The following TEX261 variants were observed in gnomAD, a reference collection of about 807,000 sequenced individuals.
TEX261 encodes testis expressed 261, also known as protein TEX261.
TEX261 carries 13 observed loss-of-function variants against 25.1 expected under a neutral mutation model. That is an observed-to-expected ratio of 0.52 (90% CI 0.34 to 0.82). The LOEUF is 0.82. Among genes scored for constraint, TEX261 ranks in the 40% least tolerant of loss-of-function variants. The probability of loss-of-function intolerance (pLI) is 0.02; values close to 1 mark genes in which losing one functional copy is unlikely to be tolerated. For missense variants in TEX261, 206 were observed against 243.2 expected (o/e 0.85, Z 1.02); for synonymous variants, 92 against 97.8 (o/e 0.94, Z 0.35).
At chr2:70,993,339 A>G (rs554145021) in intron 2 of TEX261, among the ~76,000 whole-genome samples, 7 of 152,374 alleles carry the variant, frequency 4.6e-5, no homozygotes, top group African/African-American at 1.7e-4. Flanking sequence ...AAACTGTCTT[A>G]TGGCTCCTCT....
intron 2 of TEX261, among the ~76,000 whole-genome samples, chr2:70,992,778 C>T (rs1210614383): frequency 1.3e-5 from 2 of 151,896 alleles, no homozygotes; most frequent in African/African-American, 4.8e-5. Flanking sequence ...GACCCCAACA[C>T]ATATATACAT....
rs540827405 is a variant in TEX261, at chr2:70,987,179, G to A, written c.*1421C>T. The stretch of plus-strand genomic sequence containing the variant: ...ATGATGCAGGCTGCCAGTATCCCCT[G>A]CCTTGTCTATCCTGGTGTGCATAGG... On this transcript the variant is annotated 3_prime_UTR_variant, in exon 6 of 6. Transcript: ENST00000272438. 2.6e-5 allele frequency: 4 copies of A among 152,318 alleles called. No individual in the cohort carries two copies. Among genetic ancestry groups the A allele is most frequent in the Non-Finnish European group, 4.4e-5 (3 of 68,062 alleles). 9.4% of individuals were successfully genotyped at this position (152,318 alleles called of 1,614,324 possible).
Position 70,987,446 on chromosome 2 carries a change from A to C in TEX261, c.*1154T>G, listed in dbSNP as rs1176485832. On this transcript the variant is annotated 3_prime_UTR_variant, in exon 6 of 6. Transcript: ENST00000272438. ...CTCTGTACCTGCCAGCCTCACTTTG[A>C]GGTATAGAACATGGCCAGAAATGGC... 6.6e-6 allele frequency: 1 copy of C among 152,606 alleles called. No individual in the cohort carries two copies. The highest frequency in any genetic ancestry group is 1.5e-5 in the Non-Finnish European group (1 of 68,034). 9.5% of individuals were successfully genotyped at this position (152,606 alleles called of 1,614,324 possible).
chr2:70,994,547 G>A (rs1667795016), intron 1 of TEX261, 141 bp downstream of exon 1: 2 of 1,244,082 alleles, frequency 1.6e-6, no homozygotes, highest in Non-Finnish European at 1.1e-6. Context: ...GCAGGATCAG[G>A]CGGGAAGGGG....
intron 1 of TEX261, 44 bp downstream of exon 1, chr2:70,994,644 T>A (rs1670372717): frequency 6.4e-7 from 1 of 1,564,980 alleles, no homozygotes; most frequent in African/African-American, 1.4e-5. Context: ...CGAGCACCGA[T>A]GCCGGGGCGG....
At chr2:70,989,928 T>G in intron 3 of TEX261, 112 bp from the exon 4 acceptor site, 1 of 764,804 alleles carries the variant, frequency 1.3e-6, no homozygotes. Flanking sequence ...TAGGCCTGAC[T>G]TTACACTCAA....
At chr2:70,989,237 C>A in intron 4 of TEX261, 3 of 590,356 alleles carry the variant, frequency 5.1e-6, no homozygotes, top group Non-Finnish European at 9.1e-6. Flanking sequence ...AACCCCATAT[C>A]TTGGTCGCTA....
At chr2:70,992,071 C>T (rs1670312722) in intron 2 of TEX261, 88 bp from the exon 3 acceptor site, 1 of 1,318,488 alleles carries the variant, frequency 7.6e-7, no homozygotes, top group East Asian at 2.8e-5. Flanking sequence ...CTGGGCAGCA[C>T]TAGGTTCATG....
intron 3 of TEX261, among the ~76,000 whole-genome samples, chr2:70,991,460 G>A (rs565646177): frequency 6.6e-6 from 1 of 152,238 alleles, no homozygotes; most frequent in Non-Finnish European, 1.5e-5. Flanking sequence ...AGGACTGGAC[G>A]GACAGCTGCC....
In TEX261 at chr2:70,991,904, T is replaced by C. The variant is rs1553425671; in HGVS notation, c.230A>G (p.Asn77Ser). The change falls in exon 3 of 6, where the codon AAC (asparagine) becomes AGC (serine). Residue 77 changes from asparagine to serine, a missense_variant. Asn to Ser is a conservative substitution (Grantham distance 46). Transcript: ENST00000272438. Reference sequence around the variant, plus strand: ...CTGGAGGAGGCCAAAGTAGACGAGGTTGGTGAATAGGCCCACTCCAATCAT... The same window carrying C: ...CTGGAGGAGGCCAAAGTAGACGAGGCTGGTGAATAGGCCCACTCCAATCAT... ...TSMIGVGLFT[N>S]LVYFGLLQTF... The C allele has an allele frequency of 6.2e-7, 1 of 1,613,810 alleles. No homozygotes were observed. Among genetic ancestry groups the C allele is most frequent in the Non-Finnish European group, 8.5e-7 (1 of 1,179,940 alleles).
At position 70,988,884 on chromosome 2, in the gene TEX261, C is replaced by G. The variant is rs782148873; in HGVS notation, c.475+31G>C. Reference sequence around the variant, plus strand: ...CAACCCAGGCCTTGCTGGCTTGCCCCCACCTGGGCCCCTTACAAATCCCTT... The same window carrying G: ...CAACCCAGGCCTTGCTGGCTTGCCCGCACCTGGGCCCCTTACAAATCCCTT... On this transcript the variant is annotated intron_variant, in intron 5 of 5. Transcript: ENST00000272438. 1.6e-5 allele frequency: 26 copies of G among 1,608,736 alleles called. No homozygotes were observed. In the African/African-American group the frequency reaches 3.1e-4, roughly 19 times the overall value.
chr2:70,990,034 T>C (rs542937147), intron 3 of TEX261, among the ~76,000 whole-genome samples: 20 of 152,310 alleles, frequency 1.3e-4, no homozygotes, highest in African/African-American at 4.8e-4. Flanking sequence ...TGAGTAAAAT[T>C]AGAAGAAGGC....
At chr2:70,991,272 G>A (rs1431187575) in intron 3 of TEX261, among the ~76,000 whole-genome samples, 1 of 152,212 alleles carries the variant, frequency 6.6e-6, no homozygotes, top group African/African-American at 2.4e-5. Context: ...AGAAAGTGGT[G>A]GCAGGGCAAC....
intron 3 of TEX261, 126 bp downstream of exon 3, chr2:70,991,704 A>T: frequency 8.4e-7 from 1 of 1,192,108 alleles, no homozygotes; most frequent in Non-Finnish European, 1.2e-6. Context: ...GCATCTTCCC[A>T]ACTAGCCTGG....
rs1488825826 is a variant in TEX261 at position 70,986,706 on chromosome 2, C to T, written c.*1894G>A. The T allele has an allele frequency of 6.6e-6, 1 of 152,500 alleles. No individual in the cohort carries two copies. The highest frequency in any genetic ancestry group is 1.5e-5 in the Non-Finnish European group (1 of 68,028). 9.4% of individuals were successfully genotyped at this position (152,500 alleles called of 1,614,324 possible). A position where few individuals can be genotyped will look rare whatever the true frequency, so the allele number is the denominator to read the frequency against. On this transcript the variant is annotated 3_prime_UTR_variant, in exon 6 of 6. Transcript: ENST00000272438. ...AGCAAGTACCATCTGGGCCATGGAC[C>T]TGAATTGTCTGTGCACCTAGAGGGC... is the stretch of plus-strand genomic sequence containing the variant.
In TEX261 at chr2:70,988,693, G is replaced by A. The variant is rs782221176; in HGVS notation, c.498C>T (p.Phe166=). 2 of 1,614,046 alleles carry A rather than the reference G, an allele frequency of 1.2e-6. No individual in the cohort carries two copies. The highest frequency in any genetic ancestry group is 1.7e-6 in the Non-Finnish European group (2 of 1,179,986). ...QPGDDVVSNY[F]TKGKRGKRLG... ...AGCGTTTGCCCCGCTTGCCTTTGGT[G>A]AAATAATTGGAGACGACATCATCTG... Residue 166 remains phenylalanine (F), a synonymous_variant, in exon 6 of 6, where the codon TTC becomes TTT. Coordinates refer to ENST00000272438, the MANE Select transcript of TEX261 (RefSeq NM_144582.3).
chr2:70,988,392 G>T lies in TEX261; in HGVS notation c.*208C>A. The T allele has an allele frequency of 1.8e-6, 1 of 556,084 alleles. No individual in the cohort carries two copies. The highest frequency in any genetic ancestry group is 3.0e-5 in the East Asian group (1 of 32,796). 34.4% of individuals were successfully genotyped at this position (556,084 alleles called of 1,614,324 possible). On this transcript the variant is annotated 3_prime_UTR_variant, in exon 6 of 6. Transcript: ENST00000272438. ...CTAAGCAGGCTCTGCCACCCTCCTTGGTGCCCTCTGAGGTTACAGCCTCTT... is the reference window on the plus strand; with the variant it reads ...CTAAGCAGGCTCTGCCACCCTCCTTTGTGCCCTCTGAGGTTACAGCCTCTT...
At chr2:70,989,635 A>C in intron 4 of TEX261, 114 bp downstream of exon 4, 1 of 780,930 alleles carries the variant, frequency 1.3e-6, no homozygotes, top group Non-Finnish European at 2.2e-6. Flanking sequence ...TCAAACATGT[A>C]ATCCTTGAAC....
rs782502515 is a variant in TEX261, at chr2:70,988,349, G to A, written c.*251C>T. On this transcript the variant is annotated 3_prime_UTR_variant, in exon 6 of 6. Coordinates refer to ENST00000272438, the MANE Select transcript of TEX261 (RefSeq NM_144582.3). ...CTTGGAAGGGACAGGGGAGGACTGA[G>A]GGACCTCGGCCTCCTGGCTAAGCAG... is the stretch of plus-strand genomic sequence containing the variant. 2 of 486,014 alleles carry A rather than the reference G, an allele frequency of 4.1e-6. No individual in the cohort carries two copies. Among genetic ancestry groups the A allele is most frequent in the Non-Finnish European group, 7.5e-6 (2 of 265,254 alleles). The allele number at this position is 486,014 out of a possible 1,614,324, so 30.1% of individuals were successfully genotyped here.
Sources: allele counts gnomAD v4.1 joint callset (sites outside exome capture counted in the v4.1 genomes callset), GRCh38; gene constraint gnomAD v4.1.1; transcripts MANE v1.5; gene names NCBI Gene and HGNC (gene_info 2026-07-23, HGNC 2026-07-21).